COL15A1: variants seen among roughly 807,000 people sequenced by gnomAD.
COL15A1 encodes the protein collagen type XV alpha 1 chain.
In COL15A1, 111 loss-of-function variants were observed where a neutral mutation model predicts 165.9. The ratio of observed to expected loss-of-function variants is 0.67; its 90% confidence interval spans 0.57 to 0.78. The LOEUF is 0.78. Among genes scored for constraint, COL15A1 ranks in the 30% least tolerant of loss-of-function variants. The pLI, the probability that COL15A1 is intolerant of heterozygous loss-of-function variation, is 0.00. For missense variants in COL15A1, 1,745 were observed against 1,789.7 expected, an observed-to-expected ratio of 0.98 and a Z score of 0.45; for synonymous variants, 659 against 674.8, an observed-to-expected ratio of 0.98 and a Z score of 0.36.
Position 99,061,994 on chromosome 9 carries a change from T to C in COL15A1, c.3426T>C (p.Asp1142=). The part of the protein sequence containing the change: ...RNLVTAFSNM[D]DMLQKAHLVI... ...AGGTCACAGCATTCAGCAACATGGA[T>C]GACATGCTGCAGAAAGCGCATTTGG... Residue 1142 remains aspartate, a synonymous_variant, in exon 37 of 42, where the codon GAT becomes GAC. Coordinates refer to ENST00000375001, the MANE Select transcript of COL15A1 (RefSeq NM_001855.5). 1 of 1,613,674 alleles carries C rather than the reference T, an allele frequency of 6.2e-7. No individual in the cohort carries two copies. Among genetic ancestry groups the C allele is most frequent in the South Asian group, 1.1e-5 (1 of 90,906 alleles).
At chr9:99,027,258 G>A (rs73653731) in intron 16 of COL15A1, among the ~76,000 whole-genome samples, 8 of 152,296 alleles carry the variant, frequency 5.3e-5, no homozygotes, top group African/African-American at 1.7e-4. Context: ...ATCAGAAGTG[G>A]GGCCTTCTGT....
chr9:99,038,511 G>C (rs969849062), intron 21 of COL15A1, among the ~76,000 whole-genome samples, 157 bp from the exon 22 acceptor site: 1 of 152,332 alleles, frequency 6.6e-6, no homozygotes, highest in African/African-American at 2.4e-5. Flanking sequence ...TTTATAAGAA[G>C]GGGGAGGGAG....
intron 6 of COL15A1, among the ~76,000 whole-genome samples, chr9:98,998,411 G>A (rs913755482): frequency 7.2e-5 from 11 of 152,164 alleles, no homozygotes; most frequent in Admixed American, 6.5e-4. Flanking sequence ...ATTTAATAAC[G>A]TCATGACAGA....
intron 2 of COL15A1, among the ~76,000 whole-genome samples, chr9:98,966,297 T>C (rs1837955342): frequency 6.6e-6 from 1 of 152,176 alleles, no homozygotes; most frequent in Admixed American, 6.5e-5. Flanking sequence ...AAATACTCTT[T>C]CAAGCTCCTC....
chr9:98,948,340 T>C (rs1025897513), intron 2 of COL15A1, among the ~76,000 whole-genome samples: 1 of 152,152 alleles, frequency 6.6e-6, no homozygotes, highest in African/African-American at 2.4e-5. Context: ...GGCTCACACC[T>C]GTAATCCCAG....
At chr9:98,988,791 C>T (rs1375991163) in intron 4 of COL15A1, among the ~76,000 whole-genome samples, 2 of 151,822 alleles carry the variant, frequency 1.3e-5, no homozygotes, top group Admixed American at 6.6e-5. Context: ...GGCGTGGTGG[C>T]GTGTGCTTGT....
At chr9:99,004,816 C>A in intron 8 of COL15A1, 82 bp from the exon 9 acceptor site, 1 of 1,533,386 alleles carries the variant, frequency 6.5e-7, no homozygotes, top group Non-Finnish European at 9.0e-7. Context: ...CTTTGAGGGG[C>A]CCTGGCCTTC....
chr9:98,985,967 T>C lies in COL15A1; in HGVS notation c.503T>C (p.Val168Ala), dbSNP rs1455920450. The C allele has an allele frequency of 1.2e-6, 2 of 1,614,072 alleles. No homozygotes were observed. The highest frequency in any genetic ancestry group is 2.2e-5 in the South Asian group (2 of 91,076). The change falls in exon 3 of 42, where the codon GTC (valine) becomes GCC (alanine). Residue 168 changes from valine (V) to alanine (A), a missense_variant. Val to Ala is a moderately conservative substitution (Grantham distance 64). Transcript: ENST00000375001. ...THRWNRFAMIVQGEEVTLLVN... is the reference protein window; with the variant it reads ...THRWNRFAMIAQGEEVTLLVN... ...AGGTGGAACCGCTTCGCCATGATTG[T>C]CCAGGGTGAGGAAGTGACCCTCCTC...
chr9:98,989,511 G>A (rs1468071192), intron 5 of COL15A1, among the ~76,000 whole-genome samples: 1 of 152,222 alleles, frequency 6.6e-6, no homozygotes, highest in African/African-American at 2.4e-5. Context: ...GGCAAACGCT[G>A]TGCTGTATTG....
chr9:99,051,787 A>G (rs1242365357), intron 30 of COL15A1, among the ~76,000 whole-genome samples: 1 of 152,194 alleles, frequency 6.6e-6, no homozygotes, highest in Non-Finnish European at 1.5e-5. Context: ...TTGTCTGAAT[A>G]GAGAAGGAAA....
At chr9:98,980,842 C>T (rs1838227157) in intron 2 of COL15A1, among the ~76,000 whole-genome samples, 1 of 152,292 alleles carries the variant, frequency 6.6e-6, no homozygotes, top group Non-Finnish European at 1.5e-5. Flanking sequence ...GCCCCGTGGA[C>T]CTCTCCCAAA....
chr9:98,985,628 T>C lies in COL15A1; in HGVS notation c.164T>C (p.Val55Ala), dbSNP rs906527217. ...ATCGGTGTCCCGCTGCCCTCGTCCG[T>C]ATCCTTTGTCACAGGCTATGGTGGC... ...QLIGVPLPSSVSFVTGYGGFP... is the reference protein window; with the variant it reads ...QLIGVPLPSSASFVTGYGGFP... Residue 55 changes from valine to alanine, a missense_variant, in exon 3 of 42, where the codon GTA becomes GCA. Coordinates refer to ENST00000375001, the MANE Select transcript of COL15A1 (RefSeq NM_001855.5). 35 of 1,614,166 alleles carry C rather than the reference T, an allele frequency of 2.2e-5. No individual in the cohort carries two copies. Among genetic ancestry groups the C allele is most frequent in the Non-Finnish European group, 2.9e-5 (34 of 1,180,054 alleles).
intron 2 of COL15A1, 127 bp from the exon 3 acceptor site, chr9:98,985,438 A>G (rs950588531): frequency 1.0e-6 from 1 of 957,614 alleles, no homozygotes; most frequent in African/African-American, 1.7e-5. Flanking sequence ...AAAAACAACC[A>G]TTTAGGAACT....
intron 2 of COL15A1, among the ~76,000 whole-genome samples, chr9:98,954,766 G>A (rs73501906): frequency 0.015 from 2,218 of 152,300 alleles, 63 homozygotes; most frequent in African/African-American, 0.051. Context: ...CCCTGCAACA[G>A]CATATGAGAA....
At chr9:98,956,814 C>T (rs944027800) in intron 2 of COL15A1, among the ~76,000 whole-genome samples, 2 of 152,234 alleles carry the variant, frequency 1.3e-5, no homozygotes, top group African/African-American at 4.8e-5. Context: ...GGCTTCACCC[C>T]CAGAACTCAT....
chr9:99,036,479 C>A, intron 21 of COL15A1, 83 bp downstream of exon 21: 2 of 1,464,886 alleles, frequency 1.4e-6, no homozygotes, highest in South Asian at 1.2e-5. Flanking sequence ...GACTTCAAAG[C>A]TTCTGGCTAT....
rs556590932 is a variant in COL15A1 at position 99,004,804 on chromosome 9, T to C, written c.1201-94T>C. 171 of 1,411,690 alleles carry C rather than the reference T, an allele frequency of 1.2e-4. No homozygotes were observed. The East Asian group carries it at 3.7e-3, about 30-fold the overall frequency. The allele number at this position is 1,411,690 out of a possible 1,614,324, so 87.4% of individuals were successfully genotyped here. A position where few individuals can be genotyped will look rare whatever the true frequency, so the allele number is the denominator to read the frequency against. ...GTGAAGTGAGGTCTTGGTGTGCAGG[T>C]GCTTTGAGGGGCCCTGGCCTTCTGT... On this transcript the variant is annotated intron_variant, in intron 8 of 41. Transcript: ENST00000375001.
intron 2 of COL15A1, among the ~76,000 whole-genome samples, chr9:98,966,771 G>A (rs188651595): frequency 3.3e-5 from 5 of 152,162 alleles, no homozygotes; most frequent in East Asian, 1.9e-4. Flanking sequence ...AGCTACAATC[G>A]ACTCTGTGTG....
intron 6 of COL15A1, among the ~76,000 whole-genome samples, chr9:98,998,746 T>A (rs2118930486): frequency 6.6e-6 from 1 of 152,184 alleles, no homozygotes; most frequent in East Asian, 1.9e-4. Context: ...GAAGATGAGG[T>A]CCACGTGGGG....
Sources: gnomAD v4.1 joint callset for allele counts (sites outside exome capture counted in the v4.1 genomes callset) on GRCh38, gnomAD v4.1.1 for gene constraint, MANE v1.5 for transcripts, NCBI Gene and HGNC (gene_info 2026-07-23, HGNC 2026-07-21) for gene names.